SCHIP1: variants seen among roughly 807,000 people sequenced by gnomAD.
SCHIP1 encodes schwannomin interacting protein 1, also known as schwannomin-interacting protein 1.
A neutral mutation model predicts 29.7 loss-of-function variants in SCHIP1; 8 were observed. That is an observed-to-expected ratio of 0.27 (90% confidence interval 0.16 to 0.49). SCHIP1 has a LOEUF of 0.49. Among genes scored for constraint, SCHIP1 ranks in the 20% least tolerant of loss-of-function variants. The pLI, the probability that SCHIP1 is intolerant of heterozygous loss-of-function variation, is 0.99. For synonymous variants in SCHIP1, 76 were observed against 94.9 expected (o/e 0.80, Z 1.16); for missense variants, 193 against 294.6 (o/e 0.66, Z 2.52).
chr3:159,681,641 C>A, the SCHIP1 span, among the ~76,000 whole-genome samples: 5 of 152,202 alleles, frequency 3.3e-5, no homozygotes, highest in African/African-American at 1.2e-4. Flanking sequence ...CATGGAGTCA[C>A]TTATGTACCA....
chr3:159,355,346 C>T, the SCHIP1 span, among the ~76,000 whole-genome samples: 6 of 152,202 alleles, frequency 3.9e-5, no homozygotes, highest in South Asian at 4.1e-4. Context: ...ACCAATGACA[C>T]TCATCCCAAT....
the SCHIP1 span, among the ~76,000 whole-genome samples, chr3:159,739,267 T>C: frequency 6.6e-6 from 1 of 152,198 alleles, no homozygotes; most frequent in African/African-American, 2.4e-5. Context: ...TTATCCTAAG[T>C]ACAGTGGGAA....
At chr3:159,782,524 C>T in the SCHIP1 span, among the ~76,000 whole-genome samples, 743 of 152,202 alleles carry the variant, frequency 4.9e-3, 8 homozygotes, top group South Asian at 0.018. Flanking sequence ...TAAATGGAAA[C>T]TTTTTTTTAA....
At chr3:159,866,046 CTATT>C in intron 1 of SCHIP1, 113 bp from the exon 3 acceptor site, 2 of 842,398 alleles carry the variant, frequency 2.4e-6, no homozygotes, top group Non-Finnish European at 3.8e-6. Context: ...ATGCCGCAGC[CTATT>C]TATTTGTTTT....
the SCHIP1 span, among the ~76,000 whole-genome samples, chr3:159,287,554 T>C: frequency 6.6e-6 from 1 of 152,154 alleles, no homozygotes; most frequent in Non-Finnish European, 1.5e-5. Flanking sequence ...CCGCATTCTA[T>C]TTTAAATTAC....
At chr3:159,829,114 T>G in the SCHIP1 span, among the ~76,000 whole-genome samples, 1 of 152,318 alleles carries the variant, frequency 6.6e-6, no homozygotes, top group East Asian at 1.9e-4. Flanking sequence ...TCAGTTGCTG[T>G]TTTTCTACAG....
chr3:159,763,266 C>G, the SCHIP1 span, among the ~76,000 whole-genome samples: 1 of 152,000 alleles, frequency 6.6e-6, no homozygotes, highest in Non-Finnish European at 1.5e-5. Flanking sequence ...GTCACTCGGG[C>G]TCCCACATGG....
At chr3:159,848,011 GT>G (rs11314355) in intron 1 of SCHIP1, among the ~76,000 whole-genome samples, 23,524 of 152,152 alleles carry the variant, frequency 0.15, 1,913 homozygotes, top group East Asian at 0.21. Flanking sequence ...GAGTTTCCAT[GT>G]ATGATAGGAA....
the SCHIP1 span, among the ~76,000 whole-genome samples, chr3:159,711,288 G>A: frequency 3.8e-5 from 3 of 78,408 alleles, no homozygotes; most frequent in African/African-American, 1.6e-4. Flanking sequence ...GTGAACCCGG[G>A]AGGCGGAGCT....
At chr3:159,720,885 T>A in the SCHIP1 span, among the ~76,000 whole-genome samples, 1 of 152,210 alleles carries the variant, frequency 6.6e-6, no homozygotes, top group Non-Finnish European at 1.5e-5. Flanking sequence ...ACGCCCAGCC[T>A]ATTTAGCTCC....
the SCHIP1 span, among the ~76,000 whole-genome samples, chr3:159,650,215 A>G: frequency 6.6e-6 from 1 of 152,218 alleles, no homozygotes; most frequent in Non-Finnish European, 1.5e-5. Flanking sequence ...TGAATAAGAA[A>G]TGAACACTGT....
the SCHIP1 span, among the ~76,000 whole-genome samples, chr3:159,830,747 C>G: frequency 1.3e-5 from 2 of 152,152 alleles, no homozygotes; most frequent in African/African-American, 2.4e-5. Context: ...TAGTAGCCTG[C>G]AAGTACACTA....
the SCHIP1 span, among the ~76,000 whole-genome samples, chr3:159,815,469 T>C: frequency 6.6e-6 from 1 of 152,272 alleles, no homozygotes; most frequent in South Asian, 2.1e-4. Context: ...GTTGACACCT[T>C]GGGGGGATGA....
At chr3:159,317,283 A>G in the SCHIP1 span, among the ~76,000 whole-genome samples, 1 of 152,284 alleles carries the variant, frequency 6.6e-6, no homozygotes, top group South Asian at 2.1e-4. Context: ...GAGAAGCCCA[A>G]AGTGTCCAGG....
the SCHIP1 span, among the ~76,000 whole-genome samples, chr3:159,626,134 A>G: frequency 8.3e-6 from 1 of 120,198 alleles, no homozygotes; most frequent in African/African-American, 5.8e-5. Context: ...AGATAGATAG[A>G]TAGATATATC....
At chr3:159,738,131 ATT>A in the SCHIP1 span, among the ~76,000 whole-genome samples, 19 of 151,984 alleles carry the variant, frequency 1.3e-4, no homozygotes, top group Non-Finnish European at 2.2e-4. Context: ...TGGTTTTTGT[ATT>A]TGTGTCTAAT....
At chr3:159,764,945 G>C in the SCHIP1 span, 1 of 1,491,372 alleles carries the variant, frequency 6.7e-7, no homozygotes, top group Non-Finnish European at 8.9e-7. The surrounding 1 kb of genome is among the most constrained non-coding windows in gnomAD (Gnocchi z 6.1). Flanking sequence ...CAGCCGGCTG[G>C]GGGCCGGCGC....
the SCHIP1 span, among the ~76,000 whole-genome samples, chr3:159,524,660 C>T: frequency 1.3e-5 from 2 of 152,114 alleles, no homozygotes; most frequent in South Asian, 2.1e-4. Flanking sequence ...AATAAGCCTC[C>T]GAAACACGTG....
the SCHIP1 span, among the ~76,000 whole-genome samples, chr3:159,370,540 A>ATTGT: frequency 5.3e-5 from 8 of 152,150 alleles, no homozygotes; most frequent in Non-Finnish European, 8.8e-5. Context: ...CTGGTCAAAC[A>ATTGT]TTGTTTGTGG....
Sources: gnomAD v4.1 joint callset for allele counts (sites outside exome capture counted in the v4.1 genomes callset) on GRCh38, gnomAD v4.1.1 for gene constraint, Gnocchi (gnomAD v3.1) non-coding constraint, MANE v1.5 for transcripts, NCBI Gene and HGNC (gene_info 2026-07-23, HGNC 2026-07-21) for gene names.